Variants in ADAMTSL1 observed in about 807,000 individuals in gnomAD.
The protein encoded by ADAMTSL1 is ADAMTS like 1.
In ADAMTSL1, 126 loss-of-function variants were observed where a neutral mutation model predicts 201.8. That is an observed-to-expected ratio of 0.62 (90% CI 0.54 to 0.72). ADAMTSL1 has a LOEUF of 0.72. Ranked by LOEUF, ADAMTSL1 falls within the 30% of genes least tolerant of loss-of-function variation. The probability of loss-of-function intolerance (pLI) is 0.00; values close to 1 mark genes in which losing one functional copy is unlikely to be tolerated. For synonymous variants in ADAMTSL1, 1,121 were observed against 903.4 expected, an observed-to-expected ratio of 1.24 and a Z score of -4.32; for missense variants, 2,679 against 2,277.8, an observed-to-expected ratio of 1.18 and a Z score of -3.59.
chr9:17,921,348 G>T (rs77251674), intron 1 of ADAMTSL1, among the ~76,000 whole-genome samples: 1,675 of 152,142 alleles, frequency 0.011, 26 homozygotes, highest in African/African-American at 0.039. Context: ...TTATCTCTCT[G>T]CCCGCACAAT....
At chr9:18,013,040 T>C (rs1319032809) in intron 1 of ADAMTSL1, among the ~76,000 whole-genome samples, 1 of 151,928 alleles carries the variant, frequency 6.6e-6, no homozygotes, top group Non-Finnish European at 1.5e-5. Context: ...TTCCTTTTCT[T>C]ATCTCCATTA....
intron 1 of ADAMTSL1, among the ~76,000 whole-genome samples, chr9:18,128,896 A>G (rs1480691299): frequency 1.3e-5 from 2 of 152,188 alleles, no homozygotes; most frequent in African/African-American, 4.8e-5. Context: ...GAAGAATATC[A>G]AGGTATAAAA....
chr9:18,634,457 GGGT>G (rs1013771231), intron 5 of ADAMTSL1, among the ~76,000 whole-genome samples: 1 of 152,014 alleles, frequency 6.6e-6, no homozygotes, highest in Non-Finnish European at 1.5e-5. Context: ...CAGCTACTTG[GGGT>G]GCTGAAGTAG....
chr9:18,385,599 C>G lies in ADAMTSL1; in HGVS notation c.208-119230C>G, dbSNP rs558046767. On this transcript the variant is annotated intron_variant, in intron 2 of 29. Coordinates refer to the ADAMTSL1 transcript ENST00000680146. ...AGCCCTTCCTTTTGCAATACCTTTTCCATACAAGAGTTCCAAAAGCTTTTA... is the reference window on the plus strand; with the variant it reads ...AGCCCTTCCTTTTGCAATACCTTTTGCATACAAGAGTTCCAAAAGCTTTTA... 5.3e-5 allele frequency among the ~76,000 whole-genome samples: 8 copies of G among 152,262 alleles called. No individual in the cohort carries two copies. In the South Asian group the frequency reaches 1.7e-3, roughly 32 times the overall value.
intron 16 of ADAMTSL1, among the ~76,000 whole-genome samples, chr9:18,762,623 A>G (rs546032972): frequency 5.4e-4 from 82 of 152,062 alleles, no homozygotes; most frequent in African/African-American, 1.5e-3. Context: ...CCTATTATCC[A>G]TCCCACCCTC....
Position 18,706,268 on chromosome 9 carries a change from T to C in ADAMTSL1, c.1575-479T>C, listed in dbSNP as rs183896420. Among the ~76,000 whole-genome samples the C allele has an allele frequency of 7.9e-5, 12 of 152,254 alleles. No homozygotes were observed. The East Asian group carries it at 1.7e-3, about 22-fold the overall frequency. On this transcript the variant is annotated intron_variant, in intron 13 of 28. Transcript: ENST00000380548. Reference sequence around the variant, plus strand: ...TGGCACTGGTGGGAGTGTCTTTTAGTATGTGAATGTATTATAATTAGTGTA... The same window carrying C: ...TGGCACTGGTGGGAGTGTCTTTTAGCATGTGAATGTATTATAATTAGTGTA...
At chr9:18,896,428 G>A (rs1283263053) in intron 26 of ADAMTSL1, among the ~76,000 whole-genome samples, 2 of 152,218 alleles carry the variant, frequency 1.3e-5, no homozygotes, top group Non-Finnish European at 2.9e-5. Flanking sequence ...AGTGCAGAAA[G>A]AGGGGGAGGG....
chr9:17,950,869 G>A (rs756256999), intron 1 of ADAMTSL1, among the ~76,000 whole-genome samples: 10 of 151,944 alleles, frequency 6.6e-5, no homozygotes, highest in Non-Finnish European at 1.3e-4. Context: ...CAATATAAAG[G>A]CCCCATAAAT....
rs190758572 is a variant in ADAMTSL1 at position 18,507,556 on chromosome 9, C to G, written c.191+2600C>G. On this transcript the variant is annotated intron_variant, in intron 2 of 28. Coordinates refer to ENST00000380548, the MANE Select transcript of ADAMTSL1 (RefSeq NM_001040272.6). ...TGCTATTACCTTCAATTCACCAACC[C>G]AATACTTTAGTTTTTATGGCAATTA... 1.5e-3 allele frequency among the ~76,000 whole-genome samples: 227 copies of G among 152,082 alleles called. 1 individual carries two copies. Among genetic ancestry groups the G allele is most frequent in the African/African-American group, 5.3e-3 (221 of 41,472 alleles).
At chr9:18,691,860 G>C (rs1305481752) in intron 13 of ADAMTSL1, among the ~76,000 whole-genome samples, 1 of 152,130 alleles carries the variant, frequency 6.6e-6, no homozygotes, top group Non-Finnish European at 1.5e-5. Context: ...TGGTATGCAG[G>C]AAGTGCTATG....
rs1331537208 is a variant in ADAMTSL1, at chr9:18,585,660, A to T, written c.474+11394A>T. Among the ~76,000 whole-genome samples the T allele has an allele frequency of 4.6e-5, 7 of 152,286 alleles. No homozygotes were observed. In the East Asian group the frequency reaches 5.8e-4, roughly 13 times the overall value. Reference sequence around the variant, plus strand: ...GAGAGAGACACAACAAAAAAAGAAAACTTCAGATCAATATCCTTGATGAAT... The same window carrying T: ...GAGAGAGACACAACAAAAAAAGAAATCTTCAGATCAATATCCTTGATGAAT... On this transcript the variant is annotated intron_variant, in intron 4 of 28. Coordinates refer to ENST00000380548, the MANE Select transcript of ADAMTSL1 (RefSeq NM_001040272.6).
chr9:18,627,240 C>A (rs142031638), intron 5 of ADAMTSL1, among the ~76,000 whole-genome samples: 1,689 of 152,266 alleles, frequency 0.011, 15 homozygotes, highest in Non-Finnish European at 0.018. Flanking sequence ...CCTCAACCTC[C>A]CAAAGTGTTG....
chr9:18,249,784 A>C (rs1345243957), intron 2 of ADAMTSL1, among the ~76,000 whole-genome samples: 5 of 152,138 alleles, frequency 3.3e-5, no homozygotes, highest in Non-Finnish European at 7.4e-5. Flanking sequence ...GTGCCTCAGA[A>C]ACTATTGAAC....
chr9:18,104,860 C>T (rs549766483), intron 1 of ADAMTSL1, among the ~76,000 whole-genome samples: 1 of 152,224 alleles, frequency 6.6e-6, no homozygotes, highest in East Asian at 1.9e-4. Flanking sequence ...CTTTATCTTA[C>T]CTGTGTCTAC....
chr9:17,970,105 A>C (rs1271427372), intron 1 of ADAMTSL1, among the ~76,000 whole-genome samples: 1 of 151,976 alleles, frequency 6.6e-6, no homozygotes, highest in African/African-American at 2.4e-5. Context: ...ATTAACACTG[A>C]TATTTTCCTC....
At chr9:18,463,504 C>G (rs1304767431) in intron 2 of ADAMTSL1, among the ~76,000 whole-genome samples, 3 of 152,078 alleles carry the variant, frequency 2.0e-5, no homozygotes, top group Non-Finnish European at 4.4e-5. Context: ...TTAAAATCTT[C>G]CCCTGCTAAA....
intron 1 of ADAMTSL1, among the ~76,000 whole-genome samples, chr9:18,024,630 T>A (rs1369059538): frequency 6.6e-6 from 1 of 152,142 alleles, no homozygotes; most frequent in African/African-American, 2.4e-5. Context: ...TATTCCACGG[T>A]GTATATGTTC....
chr9:18,375,056 A>G (rs945949676), intron 2 of ADAMTSL1, among the ~76,000 whole-genome samples: 1 of 152,242 alleles, frequency 6.6e-6, no homozygotes, highest in African/African-American at 2.4e-5. Context: ...TGCTCACTTC[A>G]AAGTAAAGGG....
chr9:18,483,024 C>T (rs188437390), intron 1 of ADAMTSL1, among the ~76,000 whole-genome samples: 572 of 152,198 alleles, frequency 3.8e-3, no homozygotes, highest in Non-Finnish European at 5.7e-3. Context: ...ATTTAAATTC[C>T]CAGCCCATAG....
Sources: gnomAD v4.1 joint callset for allele counts (sites outside exome capture counted in the v4.1 genomes callset) on GRCh38, gnomAD v4.1.1 for gene constraint, MANE v1.5 for transcripts, NCBI Gene and HGNC (gene_info 2026-07-23, HGNC 2026-07-21) for gene names.